Variants in EHD3 observed in about 807,000 individuals in gnomAD.
EHD3 encodes EH domain containing 3, also known as EH domain-containing protein 3.
EHD3 carries 17 observed loss-of-function variants against 43.0 expected under a neutral mutation model. The observed-to-expected ratio is 0.40, with a 90% CI of 0.27 to 0.59. The LOEUF (loss-of-function observed/expected upper bound fraction) is 0.59. Ranked by LOEUF, EHD3 falls within the 20% of genes least tolerant of loss-of-function variation. EHD3 has a pLI of 0.49. For missense variants in EHD3, 594 were observed against 705.6 expected (o/e 0.84, Z 1.79); for synonymous variants, 313 against 289.5 (o/e 1.08, Z -0.82).
intron 5 of EHD3, among the ~76,000 whole-genome samples, chr2:31,263,288 A>C (rs1215743848): frequency 3.3e-5 from 5 of 152,346 alleles, no homozygotes; most frequent in Middle Eastern, 3.4e-3. Context: ...GTAAGCAAAC[A>C]TTTGGGAAGA....
At chr2:31,263,476 A>G (rs1683890699) in intron 5 of EHD3, among the ~76,000 whole-genome samples, 2 of 152,120 alleles carry the variant, frequency 1.3e-5, no homozygotes, top group African/African-American at 4.8e-5. Flanking sequence ...GGGAGCACCC[A>G]CCATGCCCCC....
At position 31,260,853 on chromosome 2, in the gene EHD3, C is replaced by A. The variant is rs565201197; in HGVS notation, c.846C>A (p.Ile282=). 2 of 1,614,162 alleles carry A rather than the reference C, an allele frequency of 1.2e-6. No homozygotes were observed. The highest frequency in any genetic ancestry group is 8.5e-7 in the Non-Finnish European group (1 of 1,180,022). ...AGGAACAGGACCTATTCAGGGACAT[C>A]CAGAGTCTGCCCCGAAATGCTGCCC... ...EAEEQDLFRD[I]QSLPRNAALR... Residue 282 remains isoleucine, a synonymous_variant, in exon 4 of 6, where the codon ATC becomes ATA. Transcript: ENST00000322054. The surrounding 1 kb of genome is among the most constrained non-coding windows in gnomAD (Gnocchi z 4.6).
intron 4 of EHD3, 88 bp from the exon 5 acceptor site, chr2:31,261,461 G>A (rs1015843654): frequency 4.7e-5 from 70 of 1,475,914 alleles, no homozygotes; most frequent in Non-Finnish European, 6.3e-5. Context: ...GAGGGATGTA[G>A]GGGAAGGAAT....
intron 1 of EHD3, 135 bp downstream of exon 1, chr2:31,234,983 G>T: frequency 1.2e-6 from 1 of 837,592 alleles, no homozygotes. Flanking sequence ...ATCTGTGTTT[G>T]TGCAGGCGTC....
chr2:31,261,801 C>A, intron 5 of EHD3, 88 bp downstream of exon 5: 1 of 1,493,208 alleles, frequency 6.7e-7, no homozygotes, highest in Non-Finnish European at 9.1e-7. Context: ...ACTCTTGGAG[C>A]CCCCCAGGGA....
chr2:31,255,294 A>G (rs1468802543), intron 3 of EHD3, among the ~76,000 whole-genome samples: 1 of 152,140 alleles, frequency 6.6e-6, no homozygotes, highest in African/African-American at 2.4e-5. Flanking sequence ...CCCAAGAGCT[A>G]CCGTTGTGGG....
At chr2:31,261,738 A>C in intron 5 of EHD3, 25 bp downstream of exon 5, 1 of 1,611,714 alleles carries the variant, frequency 6.2e-7, no homozygotes, top group Non-Finnish European at 8.5e-7. Flanking sequence ...GGTCTCTAAG[A>C]CAAGGGACAG....
rs759316019 is a variant in EHD3, at chr2:31,266,161, C to G, written c.1081-16C>G. 6.3e-7 allele frequency: 1 copy of G among 1,599,220 alleles called. No homozygotes were observed. The highest frequency in any genetic ancestry group is 8.5e-7 in the Non-Finnish European group (1 of 1,170,544). ...TCATCGTATCCTATCTTCATCCTCT[C>G]TCCTCCTCTTCCCAGGACCAGCTGC... On this transcript the variant is annotated splice_polypyrimidine_tract_variant and intron_variant, in intron 5 of 5. Transcript: ENST00000322054. The surrounding 1 kb of genome is among the most constrained non-coding windows in gnomAD (Gnocchi z 5.1).
At chr2:31,258,261 A>G (rs79536108) in intron 3 of EHD3, among the ~76,000 whole-genome samples, 4,566 of 152,150 alleles carry the variant, frequency 0.03, 232 homozygotes, top group African/African-American at 0.1. Flanking sequence ...CCACCAGGGA[A>G]ACATTACAGG....
In EHD3 at chr2:31,266,331, G is replaced by A; in HGVS notation, c.1235G>A (p.Gly412Glu). The A allele has an allele frequency of 6.2e-7, 1 of 1,614,200 alleles. No homozygotes were observed. Among genetic ancestry groups the A allele is most frequent in the East Asian group, 2.2e-5 (1 of 44,872 alleles). ...SQRPIQMVKG[G>E]AFEGTLHGPF... ...CGGCCCATCCAGATGGTGAAGGGCG[G>A]AGCGTTCGAGGGCACCCTGCACGGC... Residue 412 changes from glycine to glutamate, a missense_variant, in exon 6 of 6, where the codon GGA (glycine) becomes GAA (glutamate). Physicochemically the swap from Gly to Glu is moderately conservative, Grantham distance 98. This residue lies in a region of EHD3 where 322 missense variants were observed against 348.0 expected (regional missense o/e 0.93). Transcript: ENST00000322054. This position sits in a 1 kb window ranked among gnomAD's most constrained non-coding sequence, Gnocchi z 5.1.
rs755305280 is a variant in EHD3, at chr2:31,266,211, A to T, written c.1115A>T (p.Gln372Leu). Residue 372 changes from glutamine to leucine, a missense_variant, in exon 6 of 6, where the codon CAG (glutamine) becomes CTG (leucine). This residue lies in a region of EHD3 where 322 missense variants were observed against 348.0 expected (regional missense o/e 0.93). Transcript: ENST00000322054. The surrounding 1 kb of genome is among the most constrained non-coding windows in gnomAD (Gnocchi z 5.1). ...QLQAQDFSKF[Q>L]PLKSKLLEVV... ...CAGGCCCAGGACTTTAGCAAGTTCC[A>T]GCCGCTGAAGAGCAAGCTGCTGGAG... 6.2e-7 allele frequency: 1 copy of T among 1,613,190 alleles called. No homozygotes were observed. Among genetic ancestry groups the T allele is most frequent in the South Asian group, 1.1e-5 (1 of 91,052 alleles).
At chr2:31,242,494 T>C (rs1409263805) in intron 1 of EHD3, among the ~76,000 whole-genome samples, 1 of 152,236 alleles carries the variant, frequency 6.6e-6, no homozygotes, top group African/African-American at 2.4e-5. Flanking sequence ...GTAATGAAAT[T>C]GCCTAATACC....
intron 3 of EHD3, among the ~76,000 whole-genome samples, chr2:31,249,976 G>C (rs1683602023): frequency 6.6e-6 from 1 of 152,132 alleles, no homozygotes; most frequent in South Asian, 2.1e-4. Flanking sequence ...AGGTTGCCTG[G>C]TATGGTGGTT....
intron 1 of EHD3, among the ~76,000 whole-genome samples, chr2:31,241,000 G>C (rs632964): frequency 0.76 from 115,637 of 152,180 alleles, 44,180 homozygotes; most frequent in East Asian, 0.95. Flanking sequence ...GGTAATCTTG[G>C]CCGACTGTTT....
chr2:31,249,446 G>T lies in EHD3; in HGVS notation c.480G>T (p.Gly160=), dbSNP rs1449747556. ...TCGACACACCAGGGATCCTCTCTGGGGAGAAGCAGAGGATCAGCCGGGGTA... is the reference window on the plus strand; with the variant it reads ...TCGACACACCAGGGATCCTCTCTGGTGAGAAGCAGAGGATCAGCCGGGGTA... ...SVIDTPGILS[G]EKQRISRGYD... Residue 160 remains glycine (G), a synonymous_variant, in exon 3 of 6, where the codon GGG becomes GGT. Transcript: ENST00000322054. The T allele has an allele frequency of 2.5e-6, 4 of 1,614,104 alleles. No homozygotes were observed.
chr2:31,239,120 C>T (rs1376979957), intron 1 of EHD3, among the ~76,000 whole-genome samples: 3 of 152,214 alleles, frequency 2.0e-5, no homozygotes, highest in Admixed American at 2.0e-4. Context: ...TGTGGCCGCA[C>T]CAGCTCTCAT....
intron 1 of EHD3, among the ~76,000 whole-genome samples, chr2:31,243,603 C>T (rs981379372): frequency 2.0e-5 from 3 of 151,526 alleles, no homozygotes; most frequent in African/African-American, 7.3e-5. Flanking sequence ...ATTACAGGCA[C>T]CTGCCACCAT....
At chr2:31,242,007 G>T (rs1335875760) in intron 1 of EHD3, among the ~76,000 whole-genome samples, 1 of 152,212 alleles carries the variant, frequency 6.6e-6, no homozygotes, top group African/African-American at 2.4e-5. Context: ...TCTGTGCCCT[G>T]TGTGGCGGGT....
At chr2:31,234,991 G>A (rs1358916002) in intron 1 of EHD3, 143 bp downstream of exon 1, 7 of 797,222 alleles carry the variant, frequency 8.8e-6, no homozygotes, top group East Asian at 5.4e-5. Context: ...TTGTGCAGGC[G>A]TCAAAATCTT....
Sources: allele counts gnomAD v4.1 joint callset (sites outside exome capture counted in the v4.1 genomes callset), GRCh38; gene constraint gnomAD v4.1.1; regional missense constraint gnomAD v4.1.1; non-coding constraint Gnocchi (gnomAD v3.1); transcripts MANE v1.5; gene names NCBI Gene and HGNC (gene_info 2026-07-23, HGNC 2026-07-21).